PPM1H: variants seen among roughly 807,000 people sequenced by gnomAD.
The protein encoded by PPM1H is protein phosphatase 1H.
Under a neutral mutation model 54.9 loss-of-function variants are expected in PPM1H, and 27 were observed. That is an observed-to-expected ratio of 0.49 (90% confidence interval 0.36 to 0.68). The LOEUF (loss-of-function observed/expected upper bound fraction) is 0.68. PPM1H is among the 30% of genes least tolerant of loss of function. PPM1H has a pLI of 0.00. For missense variants in PPM1H, 596 were observed against 667.8 expected (o/e 0.89, Z 1.19); for synonymous variants, 305 against 270.8 (o/e 1.13, Z -1.24).
chr12:62,724,311 T>C (rs1006507237), intron 5 of PPM1H, among the ~76,000 whole-genome samples: 1 of 152,232 alleles, frequency 6.6e-6, no homozygotes, highest in African/African-American at 2.4e-5. Context: ...GGGTAAGAAA[T>C]CTCTTCTCCC....
intron 1 of PPM1H, among the ~76,000 whole-genome samples, chr12:62,842,626 G>A (rs1001300063): frequency 6.6e-6 from 1 of 152,144 alleles, no homozygotes; most frequent in Non-Finnish European, 1.5e-5. Context: ...AAACCTTAAA[G>A]TAACACAAGA....
In PPM1H at chr12:62,934,613, C is replaced by G. The variant is rs745460816; in HGVS notation, c.124G>C (p.Gly42Arg). The G allele has an allele frequency of 3.9e-4, 620 of 1,584,264 alleles. No individual in the cohort carries two copies. Among genetic ancestry groups the G allele is most frequent in the Non-Finnish European group, 5.0e-4 (583 of 1,166,400 alleles). ...GACAGCCCCAGGAACTCTGGCCGCC[C>G]GTAGGGGAAACGCAGGGGCAGGTCC... is the stretch of plus-strand genomic sequence containing the variant. ...GSDLPLRFPY[G>R]RPEFLGLSQD... The change falls in exon 1 of 10, where the codon GGG becomes CGG. Residue 42 changes from glycine to arginine, a missense_variant. By Grantham distance (125) the Gly-to-Arg change is moderately radical. Coordinates refer to ENST00000228705, the MANE Select transcript of PPM1H (RefSeq NM_020700.2). The surrounding 1 kb of genome is among the most constrained non-coding windows in gnomAD (Gnocchi z 4.2).
chr12:62,701,217 T>C (rs1446269035), intron 6 of PPM1H, among the ~76,000 whole-genome samples: 1 of 152,244 alleles, frequency 6.6e-6, no homozygotes, highest in Non-Finnish European at 1.5e-5. Context: ...CTTGTTCGGC[T>C]GCTTTCTATG....
At chr12:62,671,412 G>C (rs1002524835) in intron 8 of PPM1H, among the ~76,000 whole-genome samples, 2 of 152,100 alleles carry the variant, frequency 1.3e-5, no homozygotes, top group African/African-American at 2.4e-5. Context: ...AATCTGAGCA[G>C]CTAAAAAATG....
At chr12:62,693,615 A>G (rs1353866068) in intron 7 of PPM1H, among the ~76,000 whole-genome samples, 1 of 152,232 alleles carries the variant, frequency 6.6e-6, no homozygotes, top group Non-Finnish European at 1.5e-5. Context: ...GCTCGTTGTC[A>G]GATATAAATG....
At chr12:62,807,539 G>A (rs1307534585) in intron 2 of PPM1H, among the ~76,000 whole-genome samples, 1 of 152,204 alleles carries the variant, frequency 6.6e-6, no homozygotes, top group Non-Finnish European at 1.5e-5. Context: ...CCAATCATCA[G>A]CTGAGTGGTG....
In PPM1H at chr12:62,716,466, A is replaced by G. The variant is rs137860274; in HGVS notation, c.1073+3705T>C. ...TTACCATGATGATTAGTGGAAGATG[A>G]GGAAGAAAAAAAATTCCACAACTAG... is the stretch of plus-strand genomic sequence containing the variant. On this transcript the variant is annotated intron_variant, in intron 6 of 9. Coordinates refer to ENST00000228705, the MANE Select transcript of PPM1H (RefSeq NM_020700.2). Among the ~76,000 whole-genome samples the G allele has an allele frequency of 4.5e-3, 686 of 152,342 alleles. 26 individuals are homozygous for G. Among genetic ancestry groups the G allele is most frequent in the Admixed American group, 0.043 (655 of 15,300 alleles).
intron 4 of PPM1H, chr12:62,755,533 A>T (rs2076468144): frequency 3.0e-6 from 2 of 662,244 alleles, no homozygotes; most frequent in East Asian, 5.3e-5. Flanking sequence ...TGTCTTCACC[A>T]CCATGGAGAA....
At chr12:62,859,061 C>G (rs1209795359) in intron 1 of PPM1H, among the ~76,000 whole-genome samples, 3 of 152,184 alleles carry the variant, frequency 2.0e-5, no homozygotes, top group African/African-American at 4.8e-5. Flanking sequence ...TAGCAACAGG[C>G]TGACAATTAC....
At chr12:62,902,088 C>T (rs1167675159) in intron 1 of PPM1H, among the ~76,000 whole-genome samples, 3 of 152,084 alleles carry the variant, frequency 2.0e-5, no homozygotes, top group Non-Finnish European at 2.9e-5. Context: ...TTTGGCCAGG[C>T]GCGGTGGCCC....
In PPM1H at chr12:62,832,469, G is replaced by C. The variant is rs554036312; in HGVS notation, c.246-190C>G. ...AAAATTTTTTAATGGCATTATGTTA[G>C]CACCCATTAAAATATTTACTAAAGA... On this transcript the variant is annotated intron_variant, in intron 1 of 9. Coordinates refer to ENST00000228705, the MANE Select transcript of PPM1H (RefSeq NM_020700.2). Among the ~76,000 whole-genome samples the C allele has an allele frequency of 3.9e-4, 59 of 152,132 alleles. 1 individual carries two copies. The highest frequency in any genetic ancestry group is 7.6e-4 in the Non-Finnish European group (52 of 68,018).
chr12:62,663,407 G>A (rs769944169), intron 9 of PPM1H, among the ~76,000 whole-genome samples: 2 of 151,996 alleles, frequency 1.3e-5, no homozygotes, highest in Non-Finnish European at 2.9e-5. Flanking sequence ...GGCTGGTCTT[G>A]AACTCCCAGG....
chr12:62,876,924 C>T (rs1315050932), intron 1 of PPM1H, among the ~76,000 whole-genome samples: 1 of 152,188 alleles, frequency 6.6e-6, no homozygotes, highest in Non-Finnish European at 1.5e-5. Flanking sequence ...CACACACCCA[C>T]ATTATGGCTT....
At chr12:62,711,233 C>G (rs1436362104) in intron 6 of PPM1H, among the ~76,000 whole-genome samples, 1 of 152,318 alleles carries the variant, frequency 6.6e-6, no homozygotes, top group Admixed American at 6.5e-5. Context: ...CTCAAAGGAT[C>G]CACCCGCTTC....
At chr12:62,884,094 G>A (rs1460387664) in intron 1 of PPM1H, among the ~76,000 whole-genome samples, 3 of 152,232 alleles carry the variant, frequency 2.0e-5, no homozygotes, top group African/African-American at 7.2e-5. Context: ...GAACTCAAAT[G>A]TTCAGATTAC....
chr12:62,806,487 G>A (rs2076806105), intron 2 of PPM1H, among the ~76,000 whole-genome samples: 1 of 152,186 alleles, frequency 6.6e-6, no homozygotes, highest in Non-Finnish European at 1.5e-5. Flanking sequence ...GTTTGGATTT[G>A]TGTCCTCTGC....
rs554102848 is a variant in PPM1H at position 62,694,197 on chromosome 12, T to TTA, written c.1074-200_1074-199dup. Among the ~76,000 whole-genome samples, 35 of 152,270 alleles carry TTA rather than the reference T, an allele frequency of 2.3e-4. No individual in the cohort carries two copies. The South Asian group carries it at 7.1e-3, about 31-fold the overall frequency. ...TTTACCAAACCAGAAAATACTGTCTTTATATGCTTGAAGAGGGAGGAAATA... is the reference window on the plus strand; with the variant it reads ...TTTACCAAACCAGAAAATACTGTCTTTATATATGCTTGAAGAGGGAGGAAATA... On this transcript the variant is annotated intron_variant, in intron 6 of 9. Transcript: ENST00000228705.
intron 3 of PPM1H, among the ~76,000 whole-genome samples, chr12:62,795,589 G>A (rs979036984): frequency 3.9e-5 from 6 of 151,948 alleles, no homozygotes; most frequent in Admixed American, 1.3e-4. Context: ...TGGGACTACC[G>A]CCCACCACCA....
intron 3 of PPM1H, among the ~76,000 whole-genome samples, chr12:62,793,140 A>C (rs914787846): frequency 1.3e-5 from 2 of 152,180 alleles, no homozygotes; most frequent in Non-Finnish European, 2.9e-5. Context: ...TGTCTAGAAT[A>C]AACTGATTAG....
Sources: allele counts gnomAD v4.1 joint callset (sites outside exome capture counted in the v4.1 genomes callset), GRCh38; gene constraint gnomAD v4.1.1; non-coding constraint Gnocchi (gnomAD v3.1); transcripts MANE v1.5; gene names NCBI Gene and HGNC (gene_info 2026-07-23, HGNC 2026-07-21).